Variants in PAWR observed in about 807,000 individuals in gnomAD.
The protein encoded by PAWR is pro-apoptotic WT1 regulator, also known as PRKC apoptosis WT1 regulator protein.
A neutral mutation model predicts 32.0 loss-of-function variants in PAWR; 23 were observed. The ratio of observed to expected loss-of-function variants is 0.72; its 90% CI spans 0.52 to 1.02. The LOEUF is 1.02. Ranked by LOEUF, PAWR falls within the 50% of genes least tolerant of loss-of-function variation. PAWR has a pLI of 0.00. For missense variants in PAWR, 457 were observed against 437.7 expected (o/e 1.04, Z -0.39); for synonymous variants, 226 against 187.1 (o/e 1.21, Z -1.70).
intron 4 of PAWR, among the ~76,000 whole-genome samples, chr12:79,599,052 T>C (rs1873867443): frequency 6.6e-6 from 1 of 152,172 alleles, no homozygotes; most frequent in Admixed American, 6.5e-5. Flanking sequence ...ATTCCTTCTT[T>C]GCATGGAAAG....
chr12:79,616,056 CA>C (rs140963642), intron 3 of PAWR, among the ~76,000 whole-genome samples: 1,073 of 72,354 alleles, frequency 0.015, 9 homozygotes, highest in Middle Eastern at 0.034. Context: ...GACCCTGTCT[CA>C]AAAAAAAAAA....
intron 2 of PAWR, among the ~76,000 whole-genome samples, chr12:79,666,200 G>C (rs1453751493): frequency 6.6e-6 from 1 of 152,094 alleles, no homozygotes; most frequent in Non-Finnish European, 1.5e-5. Context: ...CTTAAAAGTA[G>C]TCTTCTCATC....
chr12:79,621,284 A>C, intron 2 of PAWR, 77 bp from the exon 3 acceptor site: 1 of 1,058,072 alleles, frequency 9.5e-7, no homozygotes, highest in Non-Finnish European at 1.4e-6. Flanking sequence ...ATATATTGAT[A>C]GTATTAAAGA....
chr12:79,672,773 G>A (rs189861584), intron 2 of PAWR, among the ~76,000 whole-genome samples: 23 of 150,534 alleles, frequency 1.5e-4, no homozygotes, highest in African/African-American at 5.6e-4. Flanking sequence ...AACATGTACA[G>A]CAGTAGAGAA....
chr12:79,666,893 G>A (rs949504697), intron 2 of PAWR, among the ~76,000 whole-genome samples: 2 of 152,204 alleles, frequency 1.3e-5, no homozygotes, highest in Non-Finnish European at 2.9e-5. Context: ...TCTTAAGGCT[G>A]AAAAGTTTGG....
At position 79,585,088 on chromosome 12, in the gene PAWR, T is replaced by G. The variant is rs376903125; in HGVS notation, c.*7519A>C. On this transcript the variant is annotated 3_prime_UTR_variant, in exon 7 of 7. Transcript: ENST00000328827. The stretch of plus-strand genomic sequence containing the variant: ...AATGGGGGTTATGTCAGGATGCCAA[T>G]GTCCATGCTGAGGCTTCTCCTGATA... The G allele has an allele frequency of 2.3e-6, 1 of 428,476 alleles. No homozygotes were observed. Among genetic ancestry groups the G allele is most frequent in the African/African-American group, 2.1e-5 (1 of 48,234 alleles). The allele number at this position is 428,476 out of a possible 1,614,324, so 26.5% of individuals were successfully genotyped here. A position where few individuals can be genotyped will look rare whatever the true frequency, so the allele number is the denominator to read the frequency against.
rs116791040 is a variant in PAWR at position 79,677,216 on chromosome 12, A to G, written c.516+12513T>C. ...ATTAGAGAATATTCTGTAGACATTA[A>G]GAATAACACATCTGTGATGTTTGTA... On this transcript the variant is annotated intron_variant, in intron 2 of 6. Transcript: ENST00000328827. 4.9e-3 allele frequency among the ~76,000 whole-genome samples: 739 copies of G among 152,334 alleles called. 7 individuals carry two copies. The highest frequency in any genetic ancestry group is 0.017 in the African/African-American group (702 of 41,584).
At chr12:79,603,563 TGATG>T (rs1361180111) in intron 4 of PAWR, 4 of 152,162 alleles carry the variant, frequency 2.6e-5, no homozygotes, top group Non-Finnish European at 4.4e-5. Flanking sequence ...TGTATTTGCT[TGATG>T]AACATGTTTA....
At position 79,587,360 on chromosome 12, in the gene PAWR, G is replaced by A. The variant is rs1272078086; in HGVS notation, c.*5247C>T. 1 of 152,056 alleles carries A rather than the reference G, an allele frequency of 6.6e-6. No homozygotes were observed. Among genetic ancestry groups the A allele is most frequent in the Non-Finnish European group, 1.5e-5 (1 of 67,926 alleles). The allele number at this position is 152,056 out of a possible 1,614,324, so 9.4% of individuals were successfully genotyped here. On this transcript the variant is annotated 3_prime_UTR_variant, in exon 7 of 7. Transcript: ENST00000328827. ...ATGACAAATTAAGACAAAAGGTTAT[G>A]TAAACCATTTACTAAAAAAGTCTAA... is the stretch of plus-strand genomic sequence containing the variant.
intron 2 of PAWR, among the ~76,000 whole-genome samples, chr12:79,624,526 A>C (rs747094196): frequency 1.3e-5 from 2 of 152,196 alleles, no homozygotes; most frequent in Non-Finnish European, 2.9e-5. Context: ...ATCCCTGTGG[A>C]TACAGTATGT....
Position 79,596,526 on chromosome 12 carries a change from A to G in PAWR, c.816T>C (p.Ile272=), listed in dbSNP as rs1256799824. The change falls in exon 5 of 7, where the codon ATT becomes ATC. Residue 272 remains isoleucine, a synonymous_variant. Transcript: ENST00000328827. ...TAATCCATACCTTTTCAAGATCTTC[A>G]ATTTTCTTTTCCAGTGTGCTACTTG... The part of the protein sequence containing the change: ...LVSSSTLEKK[I]EDLEKEVVRE... 6.4e-7 allele frequency: 1 copy of G among 1,560,864 alleles called. No individual in the cohort carries two copies. The highest frequency in any genetic ancestry group is 8.7e-7 in the Non-Finnish European group (1 of 1,143,728).
chr12:79,632,207 TTA>T (rs1357541563), intron 2 of PAWR: 1 of 142,612 alleles, frequency 7.0e-6, no homozygotes, highest in Admixed American at 7.0e-5. Context: ...ATTTCAATAC[TTA>T]TAAAGTGAGA....
chr12:79,624,497 C>T (rs549332348), intron 2 of PAWR, among the ~76,000 whole-genome samples: 218 of 152,262 alleles, frequency 1.4e-3, no homozygotes, highest in Non-Finnish European at 2.3e-3. Context: ...GAACTGGGAA[C>T]CTATTCATCA....
intron 2 of PAWR, among the ~76,000 whole-genome samples, chr12:79,653,556 T>C (rs1876955593): frequency 6.6e-6 from 1 of 152,356 alleles, no homozygotes; most frequent in South Asian, 2.1e-4. Flanking sequence ...CTCAGCTCAC[T>C]GCAACCTCCA....
Position 79,641,776 on chromosome 12 carries a change from G to A in PAWR, c.517-20569C>T, listed in dbSNP as rs544042814. On this transcript the variant is annotated intron_variant, in intron 2 of 6. Coordinates refer to ENST00000328827, the MANE Select transcript of PAWR (RefSeq NM_002583.4). ...GCAGGAGAATCACGTGGACCAGGGA[G>A]TTGGAGGTTGCAGTGAGCCGAGATC... Among the ~76,000 whole-genome samples, 75 of 143,050 alleles carry A rather than the reference G, an allele frequency of 5.2e-4. 3 individuals are homozygous for A. In the South Asian group the frequency reaches 0.017, roughly 33 times the overall value. The allele number at this position is 143,050 out of a possible 152,430, so 93.8% of individuals were successfully genotyped here. A position where few individuals can be genotyped will look rare whatever the true frequency, so the allele number is the denominator to read the frequency against.
chr12:79,601,851 T>A (rs1030071873), intron 4 of PAWR, among the ~76,000 whole-genome samples: 1 of 152,188 alleles, frequency 6.6e-6, no homozygotes, highest in African/African-American at 2.4e-5. Flanking sequence ...CAGAAAGGGA[T>A]GCCTTACAAA....
chr12:79,686,448 T>C (rs1878683305), intron 2 of PAWR, among the ~76,000 whole-genome samples: 1 of 152,204 alleles, frequency 6.6e-6, no homozygotes, highest in African/African-American at 2.4e-5. Context: ...CAACAGTTGT[T>C]ATCACTGACT....
intron 2 of PAWR, among the ~76,000 whole-genome samples, chr12:79,653,914 T>A (rs1876974301): frequency 6.6e-6 from 1 of 152,264 alleles, no homozygotes; most frequent in African/African-American, 2.4e-5. Flanking sequence ...AACTTTTAGT[T>A]GAGGCCTAAG....
chr12:79,634,529 T>TCC (rs1459275390), intron 2 of PAWR, among the ~76,000 whole-genome samples: 2 of 152,202 alleles, frequency 1.3e-5, no homozygotes, highest in Non-Finnish European at 2.9e-5. Context: ...GACACATTTG[T>TCC]TGAATAGTGC....
Sources: gnomAD v4.1 joint callset for allele counts (sites outside exome capture counted in the v4.1 genomes callset) on GRCh38, gnomAD v4.1.1 for gene constraint, MANE v1.5 for transcripts, NCBI Gene and HGNC (gene_info 2026-07-23, HGNC 2026-07-21) for gene names.